Variants in ST13 observed in about 807,000 individuals in gnomAD.
ST13 encodes ST13 Hsp70 interacting protein.
ST13 carries 23 observed loss-of-function variants against 56.7 expected under a neutral mutation model. The observed-to-expected ratio is 0.41, with a 90% CI of 0.29 to 0.57. The LOEUF (loss-of-function observed/expected upper bound fraction) is 0.57. Ranked by LOEUF, ST13 falls within the 20% of genes least tolerant of loss-of-function variation. The probability of loss-of-function intolerance (pLI) is 0.36; values close to 1 mark genes in which losing one functional copy is unlikely to be tolerated. For synonymous variants in ST13, 132 were observed against 142.4 expected, an observed-to-expected ratio of 0.93 and a Z score of 0.52; for missense variants, 369 against 459.9, an observed-to-expected ratio of 0.80 and a Z score of 1.81.
chr22:40,832,253 G>A (rs2057757549), intron 8 of ST13: 1 of 478,690 alleles, frequency 2.1e-6, no homozygotes, highest in Non-Finnish European at 4.3e-6. Flanking sequence ...TCAATCCTGG[G>A]TAATGCTAAT....
At chr22:40,836,641 G>C (rs572138111) in intron 5 of ST13, among the ~76,000 whole-genome samples, 1 of 152,080 alleles carries the variant, frequency 6.6e-6, no homozygotes, top group Admixed American at 6.6e-5. Flanking sequence ...CTTATTATTT[G>C]AATTCAAAGA....
At chr22:40,827,025 T>A (rs1366121867) in intron 11 of ST13, 71 bp downstream of exon 11, 1 of 1,523,714 alleles carries the variant, frequency 6.6e-7, no homozygotes, top group Non-Finnish European at 8.9e-7. Flanking sequence ...GAGTAACCTT[T>A]GTCTCCACAC....
chr22:40,844,355 T>A lies in ST13; in HGVS notation c.315+484A>T, dbSNP rs145947023. On this transcript the variant is annotated intron_variant, in intron 4 of 11. Transcript: ENST00000216218. ...AGACACTAAGGAGCCTTTTTAGACA[T>A]CTTTTCCTCATTTCCATATCCCCAA... Among the ~76,000 whole-genome samples the A allele has an allele frequency of 3.6e-3, 548 of 152,306 alleles. 5 individuals carry two copies. Among genetic ancestry groups the A allele is most frequent in the African/African-American group, 0.012 (519 of 41,544 alleles).
rs1261453116 is a variant in ST13 at position 40,825,371 on chromosome 22, G to C, written c.*1167C>G. On this transcript the variant is annotated 3_prime_UTR_variant, in exon 12 of 12. Coordinates refer to ENST00000216218, the MANE Select transcript of ST13 (RefSeq NM_003932.5). The stretch of plus-strand genomic sequence containing the variant: ...TCAAACCTTATCTTCAGAATACAAA[G>C]ATGAATACTACAAGATAAACTAACT... 6.6e-6 allele frequency: 1 copy of C among 152,056 alleles called. No individual in the cohort carries two copies. The highest frequency in any genetic ancestry group is 2.4e-5 in the African/African-American group (1 of 41,378). The allele number at this position is 152,056 out of a possible 1,614,324, so 9.4% of individuals were successfully genotyped here.
At position 40,836,782 on chromosome 22, in the gene ST13, T is replaced by C. The variant is rs150466525; in HGVS notation, c.383-895A>G. Among the ~76,000 whole-genome samples the C allele has an allele frequency of 6.4e-4, 97 of 152,334 alleles. 1 individual carries two copies. The highest frequency in any genetic ancestry group is 2.3e-3 in the African/African-American group (95 of 41,580). ...GTCATTCAACAAATAAAACACCCTATAGAATCAGAAGAGTTCTTTGCACAA... is the reference window on the plus strand; with the variant it reads ...GTCATTCAACAAATAAAACACCCTACAGAATCAGAAGAGTTCTTTGCACAA... On this transcript the variant is annotated intron_variant, in intron 5 of 11. Coordinates refer to ENST00000216218, the MANE Select transcript of ST13 (RefSeq NM_003932.5).
chr22:40,855,586 G>C (rs2057886885), intron 1 of ST13, among the ~76,000 whole-genome samples: 1 of 152,120 alleles, frequency 6.6e-6, no homozygotes, highest in African/African-American at 2.4e-5. Context: ...TTTTTAAAAA[G>C]TCATCTTAGG....
chr22:40,854,789 T>C (rs905176362), intron 1 of ST13, among the ~76,000 whole-genome samples: 6 of 152,324 alleles, frequency 3.9e-5, no homozygotes, highest in Middle Eastern at 3.4e-3. Context: ...TTTCCTATAA[T>C]TAGGATAAAA....
chr22:40,845,775 ATAGT>A (rs917596261), intron 3 of ST13, among the ~76,000 whole-genome samples: 40 of 152,066 alleles, frequency 2.6e-4, no homozygotes, highest in African/African-American at 8.4e-4. Flanking sequence ...ACATTTGCAA[ATAGT>A]TAATTTGATA....
At chr22:40,850,568 C>G (rs2057856371) in intron 2 of ST13, among the ~76,000 whole-genome samples, 1 of 152,198 alleles carries the variant, frequency 6.6e-6, no homozygotes, top group African/African-American at 2.4e-5. Context: ...TTACCACTTA[C>G]AGGCCATACA....
In ST13 at chr22:40,848,340, C is replaced by T. The variant is rs762407422; in HGVS notation, c.198G>A (p.Glu66=). The T allele has an allele frequency of 3.7e-6, 6 of 1,613,170 alleles. No individual in the cohort carries two copies. In the East Asian group the frequency reaches 1.1e-4, roughly 30 times the overall value. The stretch of plus-strand genomic sequence containing the variant: ...ATGGTTCGTCTGCCTTTAAGTCTTC[C>T]TCCACCTTCTTACTATCAGGTTTTT... The part of the protein sequence containing the change: ...KEEKPDSKKV[E]EDLKADEPSS... Residue 66 remains glutamate (E), a synonymous_variant, in exon 3 of 12, where the codon GAG becomes GAA. Transcript: ENST00000216218.
chr22:40,838,917 A>T (rs1180649798), intron 5 of ST13, among the ~76,000 whole-genome samples: 1 of 152,118 alleles, frequency 6.6e-6, no homozygotes, highest in Non-Finnish European at 1.5e-5. Flanking sequence ...TAAATAAAAA[A>T]AAAAAAAAAA....
At chr22:40,853,546 T>C (rs2057872660) in intron 1 of ST13, among the ~76,000 whole-genome samples, 1 of 152,196 alleles carries the variant, frequency 6.6e-6, no homozygotes, top group Admixed American at 6.5e-5. Flanking sequence ...CTTTTTTATG[T>C]TACACAATCA....
At chr22:40,831,042 T>C in intron 8 of ST13, 86 bp from the exon 9 acceptor site, 1 of 849,252 alleles carries the variant, frequency 1.2e-6, no homozygotes, top group Non-Finnish European at 1.9e-6. Flanking sequence ...AGATGTTTAA[T>C]TCAACATGCA....
intron 5 of ST13, among the ~76,000 whole-genome samples, chr22:40,839,552 G>A (rs528267815): frequency 6.6e-6 from 1 of 151,754 alleles, no homozygotes; most frequent in African/African-American, 2.4e-5. Context: ...ATCACTCGAG[G>A]TCAGGAATTT....
intron 1 of ST13, among the ~76,000 whole-genome samples, chr22:40,852,957 TG>T (rs2057869367): frequency 6.6e-6 from 1 of 152,210 alleles, no homozygotes; most frequent in South Asian, 2.1e-4. Context: ...ACACTAACTT[TG>T]GGAAGTGATA....
intron 5 of ST13, among the ~76,000 whole-genome samples, chr22:40,837,355 C>T (rs958007884): frequency 6.6e-6 from 1 of 152,154 alleles, no homozygotes; most frequent in African/African-American, 2.4e-5. Context: ...GTGGCTCACG[C>T]CTGTAATCTC....
In ST13 at chr22:40,843,232, G is replaced by T. The variant is rs1269548810; in HGVS notation, c.315+1607C>A. On this transcript the variant is annotated intron_variant, in intron 4 of 11. Transcript: ENST00000216218. ...TATTTATGGATAGTTTATCTCAATG[G>T]TGAGGAGATATATCTTTTCCCGAAC... Among the ~76,000 whole-genome samples, 6 of 152,154 alleles carry T rather than the reference G, an allele frequency of 3.9e-5. No homozygotes were observed. The South Asian group carries it at 1.2e-3, about 32-fold the overall frequency.
rs748855090 is a variant in ST13, at chr22:40,827,101, T to C, written c.976A>G (p.Met326Val). 9 of 1,611,854 alleles carry C rather than the reference T, an allele frequency of 5.6e-6. No homozygotes were observed. Among genetic ancestry groups the C allele is most frequent in the South Asian group, 1.1e-5 (1 of 90,960 alleles). Residue 326 changes from methionine to valine, a missense_variant, in exon 11 of 12, where the codon ATG (methionine) becomes GTG (valine). Physicochemically the swap from Met to Val is conservative, Grantham distance 21. Around this residue, in one of 3 missense-constraint regions of ST13, gnomAD observed 136 missense variants for 159.2 expected, o/e 0.85. Transcript: ENST00000216218. ...ILSDPEVLAA[M>V]QDPEVMVAFQ... ...GTTTTTCTTCCAAGTCTTACCTGCA[T>C]GGCTGCAAGAACCTCTGGATCACTA...
intron 8 of ST13, chr22:40,831,989 A>T: frequency 3.5e-6 from 1 of 285,422 alleles, no homozygotes; most frequent in South Asian, 3.3e-5. Flanking sequence ...AGTAGCTGGG[A>T]CTACGTAGGC....
Sources: allele counts gnomAD v4.1 joint callset (sites outside exome capture counted in the v4.1 genomes callset), GRCh38; gene constraint gnomAD v4.1.1; regional missense constraint gnomAD v4.1.1; transcripts MANE v1.5; gene names NCBI Gene and HGNC (gene_info 2026-07-23, HGNC 2026-07-21).